Variants in POLN observed in about 807,000 individuals in gnomAD.
POLN encodes DNA polymerase nu, also known as DNA polymerase N.
Under a neutral mutation model 113.5 loss-of-function variants are expected in POLN, and 108 were observed. The observed-to-expected ratio is 0.95, with a 90% CI of 0.81 to 1.12. The LOEUF (loss-of-function observed/expected upper bound fraction) is 1.12, where lower values mean the gene tolerates loss of function less well. Among genes scored for constraint, POLN ranks in the 50% most tolerant of loss-of-function variants. POLN has a pLI of 0.00. For synonymous variants in POLN, 386 were observed against 391.5 expected (o/e 0.99, Z 0.17); for missense variants, 1,097 against 1,077.1 (o/e 1.02, Z -0.26).
chr4:2,139,977 G>C (rs1731956062), intron 16 of POLN: 1 of 152,118 alleles, frequency 6.6e-6, no homozygotes, highest in Non-Finnish European at 1.5e-5. Context: ...GAGTGGCTGG[G>C]GTTCTGGAAA....
intron 20 of POLN, among the ~76,000 whole-genome samples, chr4:2,092,692 T>C (rs891510260): frequency 5.3e-5 from 8 of 152,236 alleles, no homozygotes; most frequent in African/African-American, 1.9e-4. Flanking sequence ...GTAGGAATCA[T>C]GCCTTGCCCC....
intron 7 of POLN, among the ~76,000 whole-genome samples, chr4:2,182,140 T>C (rs929000783): frequency 2.0e-5 from 3 of 152,200 alleles, no homozygotes; most frequent in African/African-American, 2.4e-5. Flanking sequence ...CAGTGGTTGA[T>C]TGATTTTCAA....
chr4:2,155,388 C>A (rs532869796), intron 16 of POLN, among the ~76,000 whole-genome samples: 9 of 152,238 alleles, frequency 5.9e-5, no homozygotes, highest in Admixed American at 5.9e-4. Context: ...CGAGAGCTGA[C>A]TGACCAAGAG....
intron 16 of POLN, among the ~76,000 whole-genome samples, chr4:2,135,490 T>A (rs1447688582): frequency 6.6e-6 from 1 of 152,236 alleles, no homozygotes; most frequent in Non-Finnish European, 1.5e-5. Flanking sequence ...CGCTTCTCTA[T>A]GGGCCTCTGT....
intron 13 of POLN, 68 bp from the exon 14 acceptor site, chr4:2,159,279 C>G: frequency 7.8e-7 from 1 of 1,282,042 alleles, no homozygotes; most frequent in South Asian, 1.3e-5. Flanking sequence ...GTATTTTCAT[C>G]TGGAGAAAGT....
chr4:2,158,920 GTCT>G (rs1732507695), intron 14 of POLN, among the ~76,000 whole-genome samples: 1 of 152,126 alleles, frequency 6.6e-6, no homozygotes, highest in Non-Finnish European at 1.5e-5. Flanking sequence ...ATTCCTCATT[GTCT>G]TCTTCCATTT....
intron 19 of POLN, among the ~76,000 whole-genome samples, chr4:2,105,693 C>CA (rs572953095): frequency 6.6e-6 from 1 of 151,910 alleles, no homozygotes; most frequent in Non-Finnish European, 1.5e-5. Context: ...GACATGAATC[C>CA]AACACATGTA....
Position 2,147,643 on chromosome 4 carries a change from C to CTTTTTTTTTTTTTTTTTTTT in POLN, c.1731+9144_1731+9145insAAAAAAAAAAAAAAAAAAAA, listed in dbSNP as rs747184067. On this transcript the variant is annotated intron_variant, in intron 16 of 25. Coordinates refer to ENST00000511885, the MANE Select transcript of POLN (RefSeq NM_181808.4). ...AGATCAGACATCCAGTTTTTCTTTT[C>CTTTTTTTTTTTTTTTTTTTT]TTTTTTTTTTTTTTTTGAGACAAAG... 3.8e-5 allele frequency among the ~76,000 whole-genome samples: 3 copies of CTTTTTTTTTTTTTTTTTTTT among 79,358 alleles called. 1 individual carries two copies. Among genetic ancestry groups the CTTTTTTTTTTTTTTTTTTTT allele is most frequent in the Non-Finnish European group, 2.6e-5 (1 of 39,054 alleles). The allele number at this position is 79,358 out of a possible 152,430, so 52.1% of individuals were successfully genotyped here.
intron 2 of POLN, chr4:2,240,864 T>G: frequency 6.2e-7 from 1 of 1,612,090 alleles, no homozygotes; most frequent in African/African-American, 1.3e-5. Flanking sequence ...AAACAACCAG[T>G]CAAAGTCTTC....
At chr4:2,114,050 C>T (rs373318235) in intron 19 of POLN, among the ~76,000 whole-genome samples, 21 of 151,416 alleles carry the variant, frequency 1.4e-4, no homozygotes, top group African/African-American at 4.6e-4. Context: ...TAGGCACACA[C>T]GTCATGCTCA....
At chr4:2,170,617 C>T (rs933452032) in intron 13 of POLN, 62 bp downstream of exon 13, 3 of 1,444,378 alleles carry the variant, frequency 2.1e-6, no homozygotes, top group African/African-American at 1.4e-5. Flanking sequence ...TGAAGGTCAG[C>T]ACACATGTGG....
At chr4:2,155,906 C>T (rs908370029) in intron 16 of POLN, among the ~76,000 whole-genome samples, 1 of 152,044 alleles carries the variant, frequency 6.6e-6, no homozygotes, top group African/African-American at 2.4e-5. Context: ...GTTATCTCGG[C>T]TCACTGCAAG....
intron 7 of POLN, among the ~76,000 whole-genome samples, chr4:2,186,675 A>G (rs1459594079): frequency 6.6e-6 from 1 of 152,244 alleles, no homozygotes; most frequent in East Asian, 1.9e-4. Context: ...GAAGATTGGA[A>G]CAAAAAAACG....
At chr4:2,132,204 A>G (rs1239077902) in intron 16 of POLN, among the ~76,000 whole-genome samples, 1 of 152,210 alleles carries the variant, frequency 6.6e-6, no homozygotes, top group East Asian at 1.9e-4. Flanking sequence ...ACCTCAAAAA[A>G]TACCCAATAT....
Position 2,071,976 on chromosome 4 carries a change from CA to C in POLN, c.*137del. On this transcript the variant is annotated 3_prime_UTR_variant, in exon 26 of 26. Coordinates refer to ENST00000511885, the MANE Select transcript of POLN (RefSeq NM_181808.4). This position sits in a 1 kb window ranked among gnomAD's most constrained non-coding sequence, Gnocchi z 5.2. ...AAGGATGAGGAGGGCTTTGCACAGG[CA>C]TTTACTCCAGGGGATGGCGGGCCAC... 2 of 941,496 alleles carry C rather than the reference CA, an allele frequency of 2.1e-6. No homozygotes were observed. The highest frequency in any genetic ancestry group is 3.5e-6 in the Non-Finnish European group (2 of 574,414). The allele number at this position is 941,496 out of a possible 1,614,324, so 58.3% of individuals were successfully genotyped here.
intron 7 of POLN, among the ~76,000 whole-genome samples, chr4:2,188,393 G>A (rs929031301): frequency 1.3e-5 from 2 of 152,156 alleles, no homozygotes; most frequent in African/African-American, 2.4e-5. Flanking sequence ...GAGGTCAGGA[G>A]ATCAAGACCA....
intron 23 of POLN, chr4:2,079,609 C>CA (rs1409726815): frequency 2.0e-6 from 2 of 984,980 alleles, no homozygotes; most frequent in East Asian, 1.1e-4. Flanking sequence ...TTCTGTTAGA[C>CA]AGAGTCTTGC....
rs556044693 is a variant in POLN at position 2,185,040 on chromosome 4, T to A, written c.1022-5575A>T. On this transcript the variant is annotated intron_variant, in intron 7 of 25. Coordinates refer to ENST00000511885, the MANE Select transcript of POLN (RefSeq NM_181808.4). ...AACCAAATAGATGATAAAAGGGGAT[T>A]TCTCTTTATGTAAGTGTTATAGCTA... Among the ~76,000 whole-genome samples the A allele has an allele frequency of 3.0e-3, 450 of 152,342 alleles. 3 individuals carry two copies. The highest frequency in any genetic ancestry group is 0.01 in the African/African-American group (428 of 41,582).
chr4:2,086,812 A>G (rs1464298114), intron 20 of POLN, among the ~76,000 whole-genome samples: 4 of 152,132 alleles, frequency 2.6e-5, no homozygotes, highest in Admixed American at 6.5e-5. Flanking sequence ...CCTCTGTGAT[A>G]GGTAAACTCT....
Sources: allele counts gnomAD v4.1 joint callset (sites outside exome capture counted in the v4.1 genomes callset), GRCh38; gene constraint gnomAD v4.1.1; non-coding constraint Gnocchi (gnomAD v3.1); transcripts MANE v1.5; gene names NCBI Gene and HGNC (gene_info 2026-07-23, HGNC 2026-07-21).